Variants in CPNE8 observed in about 807,000 individuals in gnomAD.
The protein encoded by CPNE8 is copine-8.
In CPNE8, 45 loss-of-function variants were observed where a neutral mutation model predicts 81.5. The observed-to-expected ratio is 0.55, with a 90% CI of 0.44 to 0.71. The LOEUF is 0.71. Among genes scored for constraint, CPNE8 ranks in the 30% least tolerant of loss-of-function variants. CPNE8 has a pLI of 0.00. For synonymous variants in CPNE8, 252 were observed against 226.3 expected, an observed-to-expected ratio of 1.11 and a Z score of -1.02; for missense variants, 594 against 672.1, an observed-to-expected ratio of 0.88 and a Z score of 1.28.
At chr12:38,858,434 C>T (rs1943779719) in intron 3 of CPNE8, among the ~76,000 whole-genome samples, 1 of 152,198 alleles carries the variant, frequency 6.6e-6, no homozygotes, top group South Asian at 2.1e-4. Flanking sequence ...GCAAGCAGGG[C>T]TACACCATAG....
chr12:38,782,680 T>A (rs1942081342), intron 6 of CPNE8, among the ~76,000 whole-genome samples: 1 of 150,344 alleles, frequency 6.7e-6, no homozygotes, highest in African/African-American at 2.5e-5. Flanking sequence ...TTGTTTTGTT[T>A]TTGTTTTGTT....
chr12:38,751,382 CTTA>C (rs1248804501), intron 10 of CPNE8, among the ~76,000 whole-genome samples: 3 of 152,116 alleles, frequency 2.0e-5, no homozygotes, highest in Non-Finnish European at 4.4e-5. Context: ...TGGGCATCTT[CTTA>C]TTATTGTACT....
chr12:38,687,477 A>G (rs860400), intron 15 of CPNE8, among the ~76,000 whole-genome samples: 72,175 of 145,662 alleles, frequency 0.5, 18,939 homozygotes, highest in East Asian at 0.8. Flanking sequence ...TGCCTTCTGG[A>G]TTCAAGTGCT....
intron 6 of CPNE8, among the ~76,000 whole-genome samples, chr12:38,790,652 A>T (rs1166242745): frequency 6.6e-6 from 1 of 151,710 alleles, no homozygotes; most frequent in Non-Finnish European, 1.5e-5. Flanking sequence ...TGGATACCAT[A>T]TTTTCCATGA....
At chr12:38,741,317 T>C (rs1242409426) in intron 10 of CPNE8, among the ~76,000 whole-genome samples, 5 of 151,378 alleles carry the variant, frequency 3.3e-5, no homozygotes, top group Non-Finnish European at 5.9e-5. Flanking sequence ...CAGCATGGTA[T>C]TGGTACCAAA....
At position 38,653,629 on chromosome 12, in the gene CPNE8, G is replaced by GAAAAA. The variant is rs1938752839; in HGVS notation, c.*252_*253insTTTTT. The GAAAAA allele has an allele frequency of 7.1e-4, 65 of 91,416 alleles. No individual in the cohort carries two copies. Among genetic ancestry groups the GAAAAA allele is most frequent in the African/African-American group, 2.2e-3 (59 of 26,514 alleles). The allele number at this position is 91,416 out of a possible 1,614,324, so 5.7% of individuals were successfully genotyped here. ...TAGCTGTTTCTGTTAAAAAAAAAAA[G>GAAAAA]AAAGAAAGATTTAGAGAAGACATCC... On this transcript the variant is annotated 3_prime_UTR_variant, in exon 20 of 20. Coordinates refer to ENST00000331366, the MANE Select transcript of CPNE8 (RefSeq NM_153634.3).
At chr12:38,796,779 T>G (rs1263129748) in intron 6 of CPNE8, among the ~76,000 whole-genome samples, 2 of 151,916 alleles carry the variant, frequency 1.3e-5, no homozygotes, top group East Asian at 3.9e-4. Context: ...GGTCAGGGAG[T>G]TCCCTTTCCT....
intron 10 of CPNE8, among the ~76,000 whole-genome samples, chr12:38,748,026 T>A (rs549848209): frequency 5.0e-4 from 75 of 151,156 alleles, no homozygotes; most frequent in South Asian, 4.2e-3. Flanking sequence ...TTATTTTTTT[T>A]ATTTGAGACA....
chr12:38,852,383 C>A (rs772271385), intron 3 of CPNE8, among the ~76,000 whole-genome samples: 39 of 147,440 alleles, frequency 2.6e-4, no homozygotes, highest in Non-Finnish European at 4.6e-4. Flanking sequence ...GAGCCAAGAT[C>A]GCGCCACTGC....
intron 10 of CPNE8, among the ~76,000 whole-genome samples, chr12:38,733,736 T>C (rs1260596454): frequency 6.6e-6 from 1 of 151,982 alleles, no homozygotes; most frequent in African/African-American, 2.4e-5. Context: ...AACACGTATT[T>C]TGAGCAAATT....
At chr12:38,738,969 A>T (rs969481685) in intron 10 of CPNE8, among the ~76,000 whole-genome samples, 1 of 151,836 alleles carries the variant, frequency 6.6e-6, no homozygotes, top group African/African-American at 2.4e-5. Flanking sequence ...GCATACCACC[A>T]CACCCAGCTA....
chr12:38,787,267 A>G (rs763724329), intron 6 of CPNE8, among the ~76,000 whole-genome samples: 6 of 152,124 alleles, frequency 3.9e-5, no homozygotes, highest in Non-Finnish European at 7.4e-5. Flanking sequence ...TTCTCTGACT[A>G]CAATGTAATA....
intron 6 of CPNE8, among the ~76,000 whole-genome samples, chr12:38,822,904 A>G (rs1172845920): frequency 6.6e-6 from 1 of 152,206 alleles, no homozygotes; most frequent in African/African-American, 2.4e-5. Context: ...AACAATATCA[A>G]TTTAATTAAT....
chr12:38,762,280 G>C (rs541357859), intron 8 of CPNE8, 64 bp from the exon 9 acceptor site: 2 of 864,918 alleles, frequency 2.3e-6, no homozygotes, highest in Non-Finnish European at 3.5e-6. Context: ...TATTGTTTTA[G>C]TAGCCATTCC....
chr12:38,802,751 G>C (rs1463098537), intron 6 of CPNE8, among the ~76,000 whole-genome samples: 2 of 149,490 alleles, frequency 1.3e-5, no homozygotes, highest in Admixed American at 6.6e-5. Context: ...AAAATTGATA[G>C]ACCGCTAGCA....
chr12:38,766,686 T>G (rs889657624), intron 8 of CPNE8, among the ~76,000 whole-genome samples: 4 of 152,100 alleles, frequency 2.6e-5, no homozygotes, highest in African/African-American at 7.2e-5. Flanking sequence ...AAGTGCAGCA[T>G]TTTTTCCCAT....
chr12:38,806,035 C>T (rs1360040264), intron 6 of CPNE8, among the ~76,000 whole-genome samples: 3 of 150,278 alleles, frequency 2.0e-5, no homozygotes, highest in Non-Finnish European at 4.4e-5. Flanking sequence ...CACATACACC[C>T]TCCCAAGACT....
intron 7 of CPNE8, among the ~76,000 whole-genome samples, chr12:38,769,240 T>C (rs1331229779): frequency 6.6e-6 from 1 of 152,194 alleles, no homozygotes; most frequent in African/African-American, 2.4e-5. Flanking sequence ...ACTTGTAGCA[T>C]GTAGCTGTGA....
intron 4 of CPNE8, among the ~76,000 whole-genome samples, chr12:38,840,698 TA>T (rs1215825840): frequency 2.6e-5 from 4 of 152,130 alleles, no homozygotes; most frequent in Non-Finnish European, 4.4e-5. Flanking sequence ...TCACAGAACT[TA>T]AAGAAAACAT....
Sources: allele counts gnomAD v4.1 joint callset (sites outside exome capture counted in the v4.1 genomes callset), GRCh38; gene constraint gnomAD v4.1.1; transcripts MANE v1.5; gene names NCBI Gene and HGNC (gene_info 2026-07-23, HGNC 2026-07-21).